CNTN6: variants seen among roughly 807,000 people sequenced by gnomAD.
CNTN6 encodes the protein contactin-6.
In CNTN6, 137 loss-of-function variants were observed where a neutral mutation model predicts 122.8. The ratio of observed to expected loss-of-function variants is 1.12; its 90% CI spans 0.97 to 1.29. CNTN6 has a LOEUF of 1.29. CNTN6 is among the 50% of genes most tolerant of loss of function. The pLI is 0.00. For missense variants in CNTN6, 1,634 were observed against 1,223.4 expected, an observed-to-expected ratio of 1.34 and a Z score of -5.01; for synonymous variants, 570 against 426.0, an observed-to-expected ratio of 1.34 and a Z score of -4.16.
At chr3:1,352,958 A>C (rs1705896909) in intron 12 of CNTN6, among the ~76,000 whole-genome samples, 2 of 151,760 alleles carry the variant, frequency 1.3e-5, no homozygotes, top group South Asian at 4.1e-4. Flanking sequence ...ATCTGTGTGA[A>C]TCATTATTAT....
rs141236194 is a variant in CNTN6, at chr3:1,259,860, TAC to T, written c.359-18545_359-18544del. 3.9e-5 allele frequency among the ~76,000 whole-genome samples: 6 copies of T among 152,250 alleles called. No individual in the cohort carries two copies. In the East Asian group the frequency reaches 7.7e-4, roughly 20 times the overall value. ...AGTATACTATATGTAATTATATACA[TAC>T]ACACACATACATACAAACACACAAT... On this transcript the variant is annotated intron_variant, in intron 4 of 22. Transcript: ENST00000446702.
chr3:1,142,659 G>A (rs1375807586), intron 1 of CNTN6, among the ~76,000 whole-genome samples: 1 of 151,924 alleles, frequency 6.6e-6, no homozygotes, highest in African/African-American at 2.4e-5. Flanking sequence ...ATGGTCTCTG[G>A]AGCAACTATT....
chr3:1,238,856 C>T (rs1179743446), intron 4 of CNTN6, among the ~76,000 whole-genome samples: 1 of 151,916 alleles, frequency 6.6e-6, no homozygotes, highest in East Asian at 1.9e-4. Context: ...AAAAAGCTGC[C>T]TCTTTGAAAA....
At chr3:1,112,710 T>C (rs1016005188) in intron 1 of CNTN6, among the ~76,000 whole-genome samples, 1 of 152,078 alleles carries the variant, frequency 6.6e-6, no homozygotes, top group African/African-American at 2.4e-5. Context: ...GCTTCACTAG[T>C]TCCCTAGGTA....
chr3:1,354,127 G>C (rs777465979), intron 12 of CNTN6, among the ~76,000 whole-genome samples: 1 of 151,466 alleles, frequency 6.6e-6, no homozygotes, highest in Middle Eastern at 3.4e-3. Flanking sequence ...AAAATAAAAG[G>C]TGACGGCTAA....
intron 1 of CNTN6, among the ~76,000 whole-genome samples, chr3:1,137,859 T>G (rs1335108573): frequency 6.6e-6 from 1 of 152,190 alleles, no homozygotes; most frequent in Non-Finnish European, 1.5e-5. Context: ...CAATTCTACT[T>G]GTTAAAATGC....
chr3:1,376,988 C>T lies in CNTN6; in HGVS notation c.2096-17C>T. ...CTTTAATAATTGCCATCCCACATTT[C>T]TCTTGGTTATTTTTAGTCCCTGTTG... On this transcript the variant is annotated splice_polypyrimidine_tract_variant and intron_variant, in intron 16 of 22. Transcript: ENST00000446702. 6.4e-7 allele frequency: 1 copy of T among 1,567,944 alleles called. No individual in the cohort carries two copies. The highest frequency in any genetic ancestry group is 8.7e-7 in the Non-Finnish European group (1 of 1,151,996).
At chr3:1,390,724 A>G (rs1384493325) in intron 20 of CNTN6, among the ~76,000 whole-genome samples, 1 of 152,036 alleles carries the variant, frequency 6.6e-6, no homozygotes, top group Non-Finnish European at 1.5e-5. Flanking sequence ...TAAAGGGGAT[A>G]TCACCACCAA....
At chr3:1,094,408 T>C (rs1288963496) in intron 1 of CNTN6, among the ~76,000 whole-genome samples, 2 of 152,182 alleles carry the variant, frequency 1.3e-5, no homozygotes, top group Non-Finnish European at 2.9e-5. Context: ...GGTTTCTTTT[T>C]CTTTTTTTAA....
chr3:1,310,521 ATTTG>A (rs1336704002), intron 7 of CNTN6, among the ~76,000 whole-genome samples: 2 of 152,068 alleles, frequency 1.3e-5, no homozygotes, highest in South Asian at 4.1e-4. Context: ...ATTTGCTAAT[ATTTG>A]TTGAGGATTT....
chr3:1,279,942 A>G (rs1006163488), intron 5 of CNTN6, among the ~76,000 whole-genome samples: 9 of 152,216 alleles, frequency 5.9e-5, no homozygotes, highest in African/African-American at 2.2e-4. Flanking sequence ...TTTTAATGCT[A>G]TATTGAGATA....
chr3:1,110,045 T>G (rs538060733), intron 1 of CNTN6, among the ~76,000 whole-genome samples: 2 of 152,220 alleles, frequency 1.3e-5, no homozygotes, highest in South Asian at 4.1e-4. Context: ...TTCCATTTGC[T>G]TGAATATTTT....
At chr3:1,215,339 TA>T (rs2094115220) in intron 2 of CNTN6, among the ~76,000 whole-genome samples, 2 of 152,232 alleles carry the variant, frequency 1.3e-5, no homozygotes, top group Non-Finnish European at 2.9e-5. Flanking sequence ...ATTGTTTTAT[TA>T]TCTGTGCTTT....
chr3:1,319,900 A>G (rs1367037784), intron 7 of CNTN6, among the ~76,000 whole-genome samples: 2 of 148,536 alleles, frequency 1.3e-5, no homozygotes, highest in Non-Finnish European at 3.0e-5. Flanking sequence ...ACAACTACCC[A>G]TAGATAAAAA....
chr3:1,240,139 A>C (rs1286290820), intron 4 of CNTN6, among the ~76,000 whole-genome samples: 4 of 152,214 alleles, frequency 2.6e-5, no homozygotes, highest in African/African-American at 9.6e-5. Flanking sequence ...AAGAACACAA[A>C]GCAAACACAA....
chr3:1,366,341 A>G (rs974178744), intron 12 of CNTN6, among the ~76,000 whole-genome samples: 1 of 152,164 alleles, frequency 6.6e-6, no homozygotes, highest in African/African-American at 2.4e-5. Context: ...TTAATTTGTT[A>G]TAATTCAGGC....
intron 4 of CNTN6, among the ~76,000 whole-genome samples, chr3:1,249,159 AC>A (rs1378931070): frequency 2.0e-5 from 3 of 152,210 alleles, no homozygotes; most frequent in African/African-American, 7.2e-5. Flanking sequence ...AAATAGCATT[AC>A]CATAGGGGTC....
chr3:1,158,329 T>G (rs572703643), intron 2 of CNTN6, among the ~76,000 whole-genome samples: 1 of 152,364 alleles, frequency 6.6e-6, no homozygotes, highest in Non-Finnish European at 1.5e-5. Context: ...TTTTTATGTC[T>G]TCTTTTGAGA....
At chr3:1,179,337 C>G (rs1276159545) in intron 2 of CNTN6, among the ~76,000 whole-genome samples, 1 of 152,142 alleles carries the variant, frequency 6.6e-6, no homozygotes, top group Non-Finnish European at 1.5e-5. Flanking sequence ...CTATATCAAT[C>G]TCGGAGTCTC....
Sources: allele counts gnomAD v4.1 joint callset (sites outside exome capture counted in the v4.1 genomes callset), GRCh38; gene constraint gnomAD v4.1.1; transcripts MANE v1.5; gene names NCBI Gene and HGNC (gene_info 2026-07-23, HGNC 2026-07-21).